PITPNM3: variants seen among roughly 807,000 people sequenced by gnomAD.
PITPNM3 encodes membrane-associated phosphatidylinositol transfer protein 3.
A neutral mutation model predicts 102.0 loss-of-function variants in PITPNM3; 26 were observed. The observed-to-expected ratio is 0.25, with a 90% CI of 0.19 to 0.35. PITPNM3 has a LOEUF of 0.35. Among genes scored for constraint, PITPNM3 ranks in the 10% least tolerant of loss-of-function variants. The pLI is 1.00. For missense variants in PITPNM3, 1,083 were observed against 1,346.1 expected (o/e 0.80, Z 3.06); for synonymous variants, 578 against 558.6 (o/e 1.03, Z -0.49).
intron 1 of PITPNM3, among the ~76,000 whole-genome samples, chr17:6,553,071 CT>C (rs1210861093): frequency 1.3e-5 from 2 of 152,172 alleles, no homozygotes; most frequent in Non-Finnish European, 2.9e-5. Flanking sequence ...CACCGAGCCC[CT>C]GGCCACCTTT....
intron 9 of PITPNM3, among the ~76,000 whole-genome samples, chr17:6,476,559 T>C (rs1036552303): frequency 2.0e-5 from 3 of 152,224 alleles, no homozygotes; most frequent in African/African-American, 7.2e-5. Context: ...ACCAGAATGA[T>C]GATCCCAGCT....
intron 17 of PITPNM3, 28 bp downstream of exon 17, chr17:6,463,704 T>C (rs747446541): frequency 9.9e-6 from 16 of 1,608,312 alleles, no homozygotes; most frequent in South Asian, 2.2e-5. Context: ...CCCAGGGAGA[T>C]ATAGCCCTCG....
At chr17:6,540,737 C>T (rs1274064569) in intron 1 of PITPNM3, among the ~76,000 whole-genome samples, 1 of 152,232 alleles carries the variant, frequency 6.6e-6, no homozygotes, top group Non-Finnish European at 1.5e-5. Context: ...TGGCTCACTG[C>T]AACCTTCACC....
chr17:6,471,699 G>T (rs1905085419), intron 11 of PITPNM3, among the ~76,000 whole-genome samples: 1 of 152,194 alleles, frequency 6.6e-6, no homozygotes, highest in African/African-American at 2.4e-5. Context: ...GAGGTCCCAG[G>T]AGTGACTCAT....
In PITPNM3 at chr17:6,556,270, TC is replaced by T; in HGVS notation, c.22+114del. 1.1e-6 allele frequency: 1 copy of T among 882,058 alleles called. No individual in the cohort carries two copies. Among genetic ancestry groups the T allele is most frequent in the Non-Finnish European group, 1.5e-6 (1 of 647,606 alleles). 54.6% of individuals were successfully genotyped at this position (882,058 alleles called of 1,614,324 possible). A position where few individuals can be genotyped will look rare whatever the true frequency, so the allele number is the denominator to read the frequency against. On this transcript the variant is annotated intron_variant, in intron 1 of 19. Coordinates refer to ENST00000262483, the MANE Select transcript of PITPNM3 (RefSeq NM_031220.4). This position sits in a 1 kb window ranked among gnomAD's most constrained non-coding sequence, Gnocchi z 5.2. The stretch of plus-strand genomic sequence containing the variant: ...AGCCCCGCTACCGCCCCCTACGCCC[TC>T]CCGGGACCTCCGCCCACCTGCGCGA...
Position 6,471,278 on chromosome 17 carries a change from CA to C in PITPNM3, c.1506del (p.Ala503ProfsTer16). ...SRDSPPLLDAPASPPQASRFQ... is the reference protein window; with the variant it reads ...SRDSPPLLDAXASPPQASRFQ... Reference sequence around the variant, plus strand: ...AACCTCGAGGCCTGAGGGGGCGAGGCAGGGGCATCCAGAAGTGGCGGGCTGT... The same window carrying C: ...AACCTCGAGGCCTGAGGGGGCGAGGCGGGGCATCCAGAAGTGGCGGGCTGT... On this transcript the variant is annotated frameshift_variant, in exon 12 of 20. Transcript: ENST00000262483. LOFTEE classifies it high-confidence loss of function. 6.2e-7 allele frequency: 1 copy of C among 1,613,132 alleles called. No homozygotes were observed.
Position 6,525,288 on chromosome 17 carries a change from C to T in PITPNM3, c.226+68G>A, listed in dbSNP as rs1908759545. ...AGGCCCAAGCCCCAGCCCCAGTCAC[C>T]AGCCCTACAGCCCCCCCTGCAACAC... On this transcript the variant is annotated intron_variant, in intron 3 of 19. Transcript: ENST00000262483. 1.7e-5 allele frequency: 24 copies of T among 1,397,574 alleles called. No individual in the cohort carries two copies. In the South Asian group the frequency reaches 2.6e-4, roughly 15 times the overall value. 86.6% of individuals were successfully genotyped at this position (1,397,574 alleles called of 1,614,324 possible).
Position 6,453,783 on chromosome 17 carries a change from T to C in PITPNM3, c.*1555A>G, listed in dbSNP as rs1913966692. The C allele has an allele frequency of 6.6e-6, 1 of 152,326 alleles. No individual in the cohort carries two copies. 9.4% of individuals were successfully genotyped at this position (152,326 alleles called of 1,614,324 possible). ...ACTGAGCTGACACAGGTGCCTGCTG[T>C]GTATACAGACGTCTGGGCCCTGGGG... On this transcript the variant is annotated 3_prime_UTR_variant, in exon 20 of 20. Transcript: ENST00000262483.
At chr17:6,473,362 G>A (rs1383989599) in intron 10 of PITPNM3, 3 of 207,988 alleles carry the variant, frequency 1.4e-5, no homozygotes, top group Non-Finnish European at 2.9e-5. Context: ...CCTCATCGGC[G>A]GGCCTCCCTG....
chr17:6,463,068 G>C (rs1904552692), intron 17 of PITPNM3, among the ~76,000 whole-genome samples: 1 of 152,112 alleles, frequency 6.6e-6, no homozygotes, highest in Non-Finnish European at 1.5e-5. Flanking sequence ...CCCTGAAATG[G>C]GCTTCAGCCT....
intron 1 of PITPNM3, among the ~76,000 whole-genome samples, chr17:6,542,175 G>T (rs955056122): frequency 6.6e-6 from 1 of 152,224 alleles, no homozygotes; most frequent in Admixed American, 6.5e-5. Flanking sequence ...CCCTAGCCCT[G>T]GGGGGCTCAG....
At position 6,455,266 on chromosome 17, in the gene PITPNM3, G is replaced by C; in HGVS notation, c.*72C>G. 17 of 1,493,064 alleles carry C rather than the reference G, an allele frequency of 1.1e-5. 1 individual carries two copies. In the South Asian group the frequency reaches 2.1e-4, roughly 18 times the overall value. The allele number at this position is 1,493,064 out of a possible 1,614,324, so 92.5% of individuals were successfully genotyped here. ...AGGAAAACGCCTGTGTCGGGGAGAG[G>C]GCAGCCCCCTCCCGTCCCCGCAGGC... On this transcript the variant is annotated 3_prime_UTR_variant, in exon 20 of 20. Coordinates refer to ENST00000262483, the MANE Select transcript of PITPNM3 (RefSeq NM_031220.4).
chr17:6,525,627 G>A (rs1458110526), intron 2 of PITPNM3, among the ~76,000 whole-genome samples, 164 bp from the exon 3 acceptor site: 3 of 152,166 alleles, frequency 2.0e-5, no homozygotes, highest in Non-Finnish European at 4.4e-5. Flanking sequence ...TACAAGACTT[G>A]CAGAGATTTA....
rs181523907 is a variant in PITPNM3, at chr17:6,532,089, A to T, written c.118+5898T>A. ...CCACTGCAGTCCAGCCTGGGTGACA[A>T]GAGTGAAACTCCGTCTAAAAAAAAA... On this transcript the variant is annotated intron_variant, in intron 2 of 19. Transcript: ENST00000262483. 6.6e-3 allele frequency among the ~76,000 whole-genome samples: 1,002 copies of T among 151,840 alleles called. 13 individuals are homozygous for T. The highest frequency in any genetic ancestry group is 0.023 in the African/African-American group (954 of 41,412).
At chr17:6,464,806 C>A (rs1030120690) in intron 14 of PITPNM3, 35 bp from the exon 15 acceptor site, 1 of 1,603,828 alleles carries the variant, frequency 6.2e-7, no homozygotes, top group Non-Finnish European at 8.5e-7. Context: ...TCAGCCCTTG[C>A]AAGGGAGGCT....
chr17:6,470,533 G>T lies in PITPNM3; in HGVS notation c.1625-125C>A. 7.6e-7 allele frequency: 1 copy of T among 1,318,548 alleles called. No homozygotes were observed. Among genetic ancestry groups the T allele is most frequent in the Non-Finnish European group, 1.1e-6 (1 of 929,598 alleles). 81.7% of individuals were successfully genotyped at this position (1,318,548 alleles called of 1,614,324 possible). ...ACGTGGGGCACGGGTTTGGGCGGGA[G>T]CACCCTGGCCTGGAGGAGGCCTGGG... On this transcript the variant is annotated intron_variant, in intron 12 of 19. Coordinates refer to ENST00000262483, the MANE Select transcript of PITPNM3 (RefSeq NM_031220.4). The surrounding 1 kb of genome is among the most constrained non-coding windows in gnomAD (Gnocchi z 4.8).
intron 9 of PITPNM3, among the ~76,000 whole-genome samples, chr17:6,475,024 C>T (rs1905239985): frequency 6.6e-6 from 1 of 152,224 alleles, no homozygotes. Context: ...GGCAGGCCTG[C>T]CTCGTCATGC....
intron 4 of PITPNM3, among the ~76,000 whole-genome samples, chr17:6,487,327 A>G (rs1452834743): frequency 2.0e-5 from 3 of 152,202 alleles, no homozygotes; most frequent in Non-Finnish European, 4.4e-5. Context: ...GTTCATATGC[A>G]TAAAGGGCTT....
At chr17:6,547,251 T>TG (rs1910074707) in intron 1 of PITPNM3, among the ~76,000 whole-genome samples, 1 of 152,202 alleles carries the variant, frequency 6.6e-6, no homozygotes, top group South Asian at 2.1e-4. Flanking sequence ...CCAGTTGCTT[T>TG]GGGGAAAATG....
Sources: allele counts gnomAD v4.1 joint callset (sites outside exome capture counted in the v4.1 genomes callset), GRCh38; gene constraint gnomAD v4.1.1; non-coding constraint Gnocchi (gnomAD v3.1); transcripts MANE v1.5; gene names NCBI Gene and HGNC (gene_info 2026-07-23, HGNC 2026-07-21).